CCDC91: variants seen among roughly 807,000 people sequenced by gnomAD.
CCDC91 encodes the protein coiled-coil domain-containing protein 91.
A neutral mutation model predicts 63.2 loss-of-function variants in CCDC91; 48 were observed. The observed-to-expected ratio is 0.76, with a 90% CI of 0.60 to 0.97. CCDC91 has a LOEUF of 0.97. Among genes scored for constraint, CCDC91 ranks in the 50% least tolerant of loss-of-function variants. The pLI is 0.00. For synonymous variants in CCDC91, 167 were observed against 165.8 expected, an observed-to-expected ratio of 1.01 and a Z score of -0.06; for missense variants, 500 against 494.6, an observed-to-expected ratio of 1.01 and a Z score of -0.10.
intron 6 of CCDC91, among the ~76,000 whole-genome samples, chr12:28,349,492 T>A (rs1943038950): frequency 6.6e-6 from 1 of 152,226 alleles, no homozygotes; most frequent in Admixed American, 6.5e-5. Flanking sequence ...CAGGGCCCTA[T>A]GCTTATAAGG....
At chr12:28,245,083 T>C (rs993640927) in intron 1 of CCDC91, among the ~76,000 whole-genome samples, 1 of 152,114 alleles carries the variant, frequency 6.6e-6, no homozygotes, top group African/African-American at 2.4e-5. Context: ...TTATAGAATG[T>C]TATCAGTAGT....
At chr12:28,453,473 TAATG>T (rs779221252) in intron 11 of CCDC91, among the ~76,000 whole-genome samples, 8 of 152,030 alleles carry the variant, frequency 5.3e-5, no homozygotes, top group Non-Finnish European at 1.2e-4. Flanking sequence ...TCATTAATCT[TAATG>T]AAGCCGTAAA....
intron 8 of CCDC91, among the ~76,000 whole-genome samples, chr12:28,436,078 A>T (rs370428702): frequency 6.6e-6 from 1 of 151,918 alleles, no homozygotes; most frequent in South Asian, 2.1e-4. Flanking sequence ...TATTTAGATC[A>T]CTGATGTTTA....
At chr12:28,346,944 G>C (rs1942855119) in intron 6 of CCDC91, among the ~76,000 whole-genome samples, 1 of 152,078 alleles carries the variant, frequency 6.6e-6, no homozygotes, top group South Asian at 2.1e-4. Flanking sequence ...GAACCTATCA[G>C]GCAAAAGACA....
chr12:28,456,334 G>C (rs955980830), intron 11 of CCDC91, among the ~76,000 whole-genome samples: 8 of 152,036 alleles, frequency 5.3e-5, no homozygotes, highest in Non-Finnish European at 8.8e-5. Flanking sequence ...GAAAAAGTTT[G>C]GGGTTATATA....
intron 6 of CCDC91, among the ~76,000 whole-genome samples, chr12:28,311,631 A>T (rs1201370458): frequency 6.6e-6 from 1 of 152,118 alleles, no homozygotes; most frequent in African/African-American, 2.4e-5. Context: ...CTACACTATG[A>T]CTATTTAGAA....
chr12:28,305,614 A>G, intron 3 of CCDC91, 35 bp from the exon 4 acceptor site: 2 of 1,581,742 alleles, frequency 1.3e-6, no homozygotes, highest in African/African-American at 1.4e-5. Context: ...CTCTTTAATA[A>G]TCCTATCCTT....
intron 8 of CCDC91, among the ~76,000 whole-genome samples, chr12:28,430,180 T>C (rs1321927966): frequency 6.6e-6 from 1 of 152,008 alleles, no homozygotes; most frequent in Non-Finnish European, 1.5e-5. Flanking sequence ...AATAGAAAAC[T>C]TAGTTTATGA....
intron 6 of CCDC91, among the ~76,000 whole-genome samples, chr12:28,313,537 T>C (rs1027235882): frequency 6.6e-6 from 1 of 152,062 alleles, no homozygotes; most frequent in African/African-American, 2.4e-5. Flanking sequence ...AAAGAGTAAT[T>C]AATAAATGGA....
chr12:28,274,579 G>A (rs553796783), intron 3 of CCDC91, among the ~76,000 whole-genome samples: 2 of 152,080 alleles, frequency 1.3e-5, no homozygotes, highest in African/African-American at 4.8e-5. Flanking sequence ...TTGGATTCCT[G>A]GGTATTTTAT....
intron 10 of CCDC91, 111 bp downstream of exon 10, chr12:28,450,529 TTTTA>T (rs1254273081): frequency 1.1e-5 from 8 of 715,088 alleles, no homozygotes; most frequent in Admixed American, 7.7e-5. Flanking sequence ...TAAAAATCGT[TTTTA>T]TTTCTTTTAT....
intron 6 of CCDC91, among the ~76,000 whole-genome samples, chr12:28,314,680 T>C (rs1939659610): frequency 6.6e-6 from 1 of 152,104 alleles, no homozygotes; most frequent in East Asian, 1.9e-4. Context: ...GTCAGAATTG[T>C]AGTCTGACAA....
At chr12:28,204,635 C>T (rs983542559) in intron 1 of CCDC91, among the ~76,000 whole-genome samples, 1 of 152,108 alleles carries the variant, frequency 6.6e-6, no homozygotes, top group East Asian at 1.9e-4. Flanking sequence ...TTTCTCTTCT[C>T]TTTACTCTCC....
chr12:28,518,503 G>GT (rs1389928884), intron 12 of CCDC91, among the ~76,000 whole-genome samples: 1 of 151,556 alleles, frequency 6.6e-6, no homozygotes, highest in African/African-American at 2.4e-5. Context: ...GGGATTCTTT[G>GT]TTTTTTTCTT....
intron 1 of CCDC91, among the ~76,000 whole-genome samples, chr12:28,254,916 C>T (rs1009963509): frequency 2.0e-5 from 3 of 151,768 alleles, no homozygotes; most frequent in Middle Eastern, 3.2e-3. Flanking sequence ...GGATTACAGT[C>T]GTGTGCCACC....
chr12:28,334,711 A>G (rs1941791495), intron 6 of CCDC91, among the ~76,000 whole-genome samples: 1 of 152,198 alleles, frequency 6.6e-6, no homozygotes, highest in African/African-American at 2.4e-5. Flanking sequence ...TTGCCTAATA[A>G]AGTAAGGAAA....
intron 7 of CCDC91, among the ~76,000 whole-genome samples, chr12:28,379,066 A>G (rs1033826962): frequency 1.1e-4 from 16 of 152,200 alleles, no homozygotes; most frequent in African/African-American, 3.8e-4. Context: ...ATTAGCTGAT[A>G]GTCAAAGGAA....
chr12:28,522,559 G>A (rs1337075765), intron 12 of CCDC91, among the ~76,000 whole-genome samples: 1 of 152,026 alleles, frequency 6.6e-6, no homozygotes, highest in Non-Finnish European at 1.5e-5. Flanking sequence ...AGGGTTTTCT[G>A]TGTCTCTATC....
At chr12:28,309,882 A>C (rs942433768) in intron 6 of CCDC91, among the ~76,000 whole-genome samples, 15 of 151,968 alleles carry the variant, frequency 9.9e-5, no homozygotes, top group African/African-American at 3.6e-4. Flanking sequence ...AGCATCCCCT[A>C]GCCCTTTTTA....
Sources: allele counts gnomAD v4.1 joint callset (sites outside exome capture counted in the v4.1 genomes callset), GRCh38; gene constraint gnomAD v4.1.1; transcripts MANE v1.5; gene names NCBI Gene and HGNC (gene_info 2026-07-23, HGNC 2026-07-21).